AGMO: variants seen among roughly 807,000 people sequenced by gnomAD.
The protein encoded by AGMO is alkylglycerol monooxygenase, also known as glyceryl-ether monooxygenase.
Under a neutral mutation model 60.2 loss-of-function variants are expected in AGMO, and 75 were observed. The observed-to-expected ratio is 1.25, with a 90% CI of 1.03 to 1.51. AGMO has a LOEUF of 1.51. AGMO is among the 40% of genes most tolerant of loss of function. AGMO has a pLI of 0.00. For missense variants in AGMO, 763 were observed against 525.5 expected (o/e 1.45, Z -4.42); for synonymous variants, 261 against 177.1 (o/e 1.47, Z -3.76).
At chr7:15,396,819 C>A (rs1313468634) in intron 5 of AGMO, among the ~76,000 whole-genome samples, 1 of 151,970 alleles carries the variant, frequency 6.6e-6, no homozygotes, top group Non-Finnish European at 1.5e-5. Flanking sequence ...GCTGATTGGT[C>A]CATTTTGAGA....
chr7:15,194,050 T>C, the AGMO span, among the ~76,000 whole-genome samples: 10 of 152,200 alleles, frequency 6.6e-5, no homozygotes, highest in Admixed American at 1.3e-4. Flanking sequence ...GAAAGAACAC[T>C]GCTTTGTATT....
At chr7:15,437,334 A>C (rs79862578) in intron 3 of AGMO, among the ~76,000 whole-genome samples, 13,926 of 152,110 alleles carry the variant, frequency 0.092, 773 homozygotes, top group South Asian at 0.15. Context: ...TTGTCTTATA[A>C]TTTTTCTATT....
intron 10 of AGMO, among the ~76,000 whole-genome samples, chr7:15,366,589 A>G (rs62452360): frequency 0.16 from 24,299 of 152,038 alleles, 1,937 homozygotes; most frequent in East Asian, 0.21. Flanking sequence ...CATTTTTAGT[A>G]TAACAAAATC....
At chr7:15,144,784 C>G in the AGMO span, among the ~76,000 whole-genome samples, 2 of 152,118 alleles carry the variant, frequency 1.3e-5, no homozygotes, top group African/African-American at 4.8e-5. Flanking sequence ...TGTCTGATTT[C>G]CAGTGGAGGC....
rs368100488 is a variant in AGMO at position 15,517,668 on chromosome 7, C to T, written c.409+27104G>A. Among the ~76,000 whole-genome samples, 17 of 152,174 alleles carry T rather than the reference C, an allele frequency of 1.1e-4. No individual in the cohort carries two copies. In the East Asian group the frequency reaches 1.2e-3, roughly 10 times the overall value. On this transcript the variant is annotated intron_variant, in intron 3 of 12. Coordinates refer to ENST00000342526, the MANE Select transcript of AGMO (RefSeq NM_001004320.2). ...TGCTTTTCCCATGGTCTTCGCAACCCGCAGACCAGGAGATTTCCTTGGGTG... is the reference window on the plus strand; with the variant it reads ...TGCTTTTCCCATGGTCTTCGCAACCTGCAGACCAGGAGATTTCCTTGGGTG...
In AGMO at chr7:15,279,657, T is replaced by C. The variant is rs907511157; in HGVS notation, c.1264-78298A>G. On this transcript the variant is annotated intron_variant, in intron 12 of 12. Transcript: ENST00000342526. ...CAATGCAGGAACTTAACAGGAACAC[T>C]GAAAGAAACCACAGACCCTTTGAAA... Among the ~76,000 whole-genome samples, 52 of 152,210 alleles carry C rather than the reference T, an allele frequency of 3.4e-4. 1 individual carries two copies. The highest frequency in any genetic ancestry group is 3.3e-3 in the Admixed American group (50 of 15,292).
chr7:15,552,408 C>T (rs1238728756), intron 2 of AGMO, among the ~76,000 whole-genome samples: 21 of 152,064 alleles, frequency 1.4e-4, no homozygotes, highest in East Asian at 5.8e-4. Context: ...AGAAGATTTT[C>T]GCAACCTACT....
chr7:15,493,365 C>CT lies in AGMO; in HGVS notation c.409+51406dup, dbSNP rs71004387. ...CACACACACACACACACACACACTT[C>CT]TTTTTTTTTTTTTTTTTTTTTTTTT... On this transcript the variant is annotated intron_variant, in intron 3 of 12. Transcript: ENST00000342526. Among the ~76,000 whole-genome samples, 500 of 66,628 alleles carry CT rather than the reference C, an allele frequency of 7.5e-3. 88 individuals are homozygous for CT. The highest frequency in any genetic ancestry group is 0.021 in the African/African-American group (324 of 15,078). The allele number at this position is 66,628 out of a possible 152,430, so 43.7% of individuals were successfully genotyped here.
chr7:15,294,097 T>C (rs1430294165), intron 12 of AGMO, among the ~76,000 whole-genome samples: 1 of 152,112 alleles, frequency 6.6e-6, no homozygotes, highest in East Asian at 1.9e-4. Context: ...CTTGAACAGG[T>C]TCCAGAAAAT....
intron 5 of AGMO, among the ~76,000 whole-genome samples, chr7:15,407,422 G>C (rs920523554): frequency 6.6e-6 from 1 of 151,500 alleles, no homozygotes; most frequent in Admixed American, 6.6e-5. Flanking sequence ...GGCTTCAAGA[G>C]AGAACAAGAA....
At chr7:15,191,143 A>G in the AGMO span, among the ~76,000 whole-genome samples, 1 of 152,174 alleles carries the variant, frequency 6.6e-6, no homozygotes, top group African/African-American at 2.4e-5. Flanking sequence ...CCATGGAAAT[A>G]TTACATAAAA....
rs571224133 is a variant in AGMO, at chr7:15,520,059, TA to T, written c.409+24712del. ...CAGGGGTTGCAATTCTAGTCTCTGA[TA>T]AAACATATTTTACACCAACAAAGAT... On this transcript the variant is annotated intron_variant, in intron 3 of 12. Transcript: ENST00000342526. Among the ~76,000 whole-genome samples the T allele has an allele frequency of 3.6e-3, 533 of 148,548 alleles. 4 individuals carry two copies. Among genetic ancestry groups the T allele is most frequent in the African/African-American group, 0.012 (502 of 40,608 alleles).
intron 3 of AGMO, among the ~76,000 whole-genome samples, chr7:15,454,609 GTAAT>G (rs541647606): frequency 2.6e-5 from 4 of 151,988 alleles, no homozygotes; most frequent in Non-Finnish European, 5.9e-5. Flanking sequence ...GTATGTGTGT[GTAAT>G]TAAAGATTAT....
At chr7:15,261,780 A>G (rs1387380235) in intron 12 of AGMO, among the ~76,000 whole-genome samples, 1 of 151,998 alleles carries the variant, frequency 6.6e-6, no homozygotes, top group Admixed American at 6.6e-5. Context: ...GAATCCAATG[A>G]CATTCCAAAA....
chr7:15,365,546 G>A lies in AGMO; in HGVS notation c.1231C>T (p.Pro411Ser), dbSNP rs1188654385. ...GCAGATGACAATGAAGGGACAAGAG[G>A]CTTCAGGTGACCAAATCGGTACAGC... is the stretch of plus-strand genomic sequence containing the variant. Reference protein sequence around the residue: ...LMLYRFGHLKPLVPSLSSAFE... With the variant: ...LMLYRFGHLKSLVPSLSSAFE... Residue 411 changes from proline (P) to serine (S), a missense_variant, in exon 12 of 13, where the codon CCT (proline) becomes TCT (serine). Coordinates refer to ENST00000342526, the MANE Select transcript of AGMO (RefSeq NM_001004320.2). 6.2e-7 allele frequency: 1 copy of A among 1,612,678 alleles called. No individual in the cohort carries two copies. Among genetic ancestry groups the A allele is most frequent in the Non-Finnish European group, 8.5e-7 (1 of 1,179,110 alleles).
chr7:15,378,506 A>G (rs889548075), intron 10 of AGMO, among the ~76,000 whole-genome samples: 5 of 152,032 alleles, frequency 3.3e-5, no homozygotes, highest in African/African-American at 1.2e-4. Flanking sequence ...ACTATCCTAA[A>G]TATGTATGCA....
intron 3 of AGMO, among the ~76,000 whole-genome samples, chr7:15,441,121 A>C (rs1781543344): frequency 6.6e-6 from 1 of 152,210 alleles, no homozygotes; most frequent in East Asian, 1.9e-4. Flanking sequence ...AGCATTCTAA[A>C]GTAGTATGAA....
chr7:15,230,812 C>G (rs1236497200), intron 12 of AGMO, among the ~76,000 whole-genome samples: 2 of 152,090 alleles, frequency 1.3e-5, no homozygotes, highest in Admixed American at 1.3e-4. Flanking sequence ...CTCCTAGAGC[C>G]TTTTGTTTGG....
At chr7:15,382,339 T>TA (rs1362254185) in intron 10 of AGMO, among the ~76,000 whole-genome samples, 6 of 152,062 alleles carry the variant, frequency 3.9e-5, no homozygotes, top group African/African-American at 1.5e-4. Flanking sequence ...TGTCCAGGTA[T>TA]ATACGAGGAA....
Sources: gnomAD v4.1 joint callset for allele counts (sites outside exome capture counted in the v4.1 genomes callset) on GRCh38, gnomAD v4.1.1 for gene constraint, MANE v1.5 for transcripts, NCBI Gene and HGNC (gene_info 2026-07-23, HGNC 2026-07-21) for gene names.